The following ESD variants were observed in gnomAD, a reference collection of about 807,000 sequenced individuals.
ESD encodes the protein esterase D.
ESD carries 34 observed loss-of-function variants against 38.1 expected under a neutral mutation model. That is an observed-to-expected ratio of 0.89 (90% CI 0.68 to 1.19). ESD has a LOEUF of 1.19. ESD is among the 50% of genes most tolerant of loss of function. The probability of loss-of-function intolerance (pLI) is 0.00; values close to 1 mark genes in which losing one functional copy is unlikely to be tolerated. For synonymous variants in ESD, 97 were observed against 107.0 expected, an observed-to-expected ratio of 0.91 and a Z score of 0.58; for missense variants, 334 against 327.2, an observed-to-expected ratio of 1.02 and a Z score of -0.16.
intron 1 of ESD, among the ~76,000 whole-genome samples, chr13:46,796,215 C>A (rs1000810591): frequency 5.3e-5 from 8 of 152,164 alleles, no homozygotes; most frequent in Admixed American, 2.6e-4. Flanking sequence ...TGCCACGGTA[C>A]AATGGTTTCA....
intron 1 of ESD, among the ~76,000 whole-genome samples, chr13:46,795,038 A>G (rs563333616): frequency 1.4e-4 from 22 of 152,212 alleles, no homozygotes; most frequent in Middle Eastern, 3.4e-3. Context: ...AACTTACCAC[A>G]CCTAAAATTA....
intron 1 of ESD, among the ~76,000 whole-genome samples, chr13:46,796,342 A>G (rs578219458): frequency 1.8e-4 from 27 of 152,356 alleles, no homozygotes; most frequent in African/African-American, 6.5e-4. Context: ...ATGGGTATAC[A>G]GTAATATATA....
intron 3 of ESD, among the ~76,000 whole-genome samples, chr13:46,789,854 C>T (rs375472793): frequency 6.6e-6 from 1 of 151,710 alleles, no homozygotes; most frequent in Admixed American, 6.6e-5. Context: ...TCGCTCTTGT[C>T]GCCCAGGCTG....
At chr13:46,796,073 C>T (rs190956138) in intron 1 of ESD, among the ~76,000 whole-genome samples, 49 of 152,312 alleles carry the variant, frequency 3.2e-4, no homozygotes, top group African/African-American at 1.1e-3. Flanking sequence ...AACACCTTCA[C>T]ATGGCTCTAA....
intron 1 of ESD, among the ~76,000 whole-genome samples, chr13:46,796,847 G>A (rs1422575593): frequency 6.6e-6 from 1 of 152,252 alleles, no homozygotes; most frequent in Admixed American, 6.5e-5. Flanking sequence ...GTAGGTAAAC[G>A]GGCGCTCGCC....
At chr13:46,778,027 A>G (rs1407990116) in intron 8 of ESD, among the ~76,000 whole-genome samples, 1 of 151,828 alleles carries the variant, frequency 6.6e-6, no homozygotes, top group African/African-American at 2.4e-5. Context: ...TCTTTTTCCA[A>G]ATATTCTCTA....
Position 46,771,326 on chromosome 13 carries a change from T to C in ESD, c.*90A>G, listed in dbSNP as rs923409823. The C allele has an allele frequency of 2.4e-6, 2 of 816,706 alleles. No individual in the cohort carries two copies. Among genetic ancestry groups the C allele is most frequent in the Non-Finnish European group, 3.9e-6 (2 of 507,094 alleles). 50.6% of individuals were successfully genotyped at this position (816,706 alleles called of 1,614,324 possible). ...GCCCTTTTAGCACTATAAAATCCAA[T>C]GTTTTGAATTTTTTTTTTTTTTGCT... On this transcript the variant is annotated 3_prime_UTR_variant, in exon 10 of 10. Coordinates refer to ENST00000378720, the MANE Select transcript of ESD (RefSeq NM_001984.2).
chr13:46,794,726 T>C (rs566975614), intron 1 of ESD, among the ~76,000 whole-genome samples: 1 of 152,266 alleles, frequency 6.6e-6, no homozygotes, highest in South Asian at 2.1e-4. Flanking sequence ...CCTAGACAGG[T>C]GTTCCCAAAA....
intron 3 of ESD, among the ~76,000 whole-genome samples, chr13:46,790,015 T>C (rs1875340868): frequency 6.7e-6 from 1 of 149,176 alleles, no homozygotes; most frequent in Non-Finnish European, 1.5e-5. Flanking sequence ...TATATTTTTT[T>C]TTTTTCAGTA....
chr13:46,772,629 C>T (rs571687175), intron 9 of ESD, among the ~76,000 whole-genome samples: 2 of 152,292 alleles, frequency 1.3e-5, no homozygotes, highest in South Asian at 4.1e-4. Flanking sequence ...GGGTTGTTCC[C>T]CTCCATATAT....
At chr13:46,794,277 GTC>G (rs1341772306) in intron 1 of ESD, among the ~76,000 whole-genome samples, 6 of 152,072 alleles carry the variant, frequency 3.9e-5, no homozygotes, top group Non-Finnish European at 5.9e-5. Flanking sequence ...AGAAGAAAGG[GTC>G]TCTCAGTGCA....
chr13:46,788,340 C>T (rs556184318), intron 3 of ESD, among the ~76,000 whole-genome samples: 21 of 151,988 alleles, frequency 1.4e-4, no homozygotes, highest in African/African-American at 2.9e-4. Context: ...TGATGACTGA[C>T]GGCACAAAAA....
chr13:46,778,662 A>G (rs1874889627), intron 8 of ESD, among the ~76,000 whole-genome samples: 1 of 151,748 alleles, frequency 6.6e-6, no homozygotes, highest in South Asian at 2.1e-4. Flanking sequence ...AAGGGTCACC[A>G]TTTTCGTGAC....
At position 46,774,762 on chromosome 13, in the gene ESD, A is replaced by T. The variant is rs183418572; in HGVS notation, c.768+2694T>A. 2.2e-3 allele frequency among the ~76,000 whole-genome samples: 333 copies of T among 152,308 alleles called. 9 individuals are homozygous for T. The South Asian group carries it at 0.043, about 20-fold the overall frequency. ...TTGGATAAGAATCCCCAGGTTATTAAATCTCTTCAGTGTATAAGGAGGAAG... is the reference window on the plus strand; with the variant it reads ...TTGGATAAGAATCCCCAGGTTATTATATCTCTTCAGTGTATAAGGAGGAAG... On this transcript the variant is annotated intron_variant, in intron 9 of 9. Transcript: ENST00000378720.
chr13:46,785,714 A>G (rs1023695570), intron 4 of ESD: 21 of 151,934 alleles, frequency 1.4e-4, no homozygotes, highest in African/African-American at 4.8e-4. Context: ...CACTAAGGAA[A>G]CTGTCCTGTC....
At chr13:46,791,547 A>C in intron 2 of ESD, 127 bp from the exon 3 acceptor site, 1 of 654,348 alleles carries the variant, frequency 1.5e-6, no homozygotes, top group Non-Finnish European at 2.6e-6. Flanking sequence ...TTTTTTTTTC[A>C]CATTTTTCTC....
intron 4 of ESD, among the ~76,000 whole-genome samples, chr13:46,785,117 A>G (rs1875148233): frequency 6.6e-6 from 1 of 152,006 alleles, no homozygotes; most frequent in African/African-American, 2.4e-5. Flanking sequence ...AATGGTGACC[A>G]TATGCCATCC....
In ESD at chr13:46,782,660, A is replaced by T; in HGVS notation, c.381+7T>A. ...TCAATTAATAATTACAATACAAATT[A>T]AATTACCTCCTCTGTGACATAAGAG... On this transcript the variant is annotated splice_region_variant and intron_variant, in intron 6 of 9. Coordinates refer to ENST00000378720, the MANE Select transcript of ESD (RefSeq NM_001984.2). 1 of 1,610,854 alleles carries T rather than the reference A, an allele frequency of 6.2e-7. No individual in the cohort carries two copies. The highest frequency in any genetic ancestry group is 1.1e-5 in the South Asian group (1 of 90,840).
intron 9 of ESD, among the ~76,000 whole-genome samples, chr13:46,774,976 GACTTAAGGAGGTAGTAT>G (rs1874739119): frequency 6.6e-6 from 1 of 152,160 alleles, no homozygotes; most frequent in South Asian, 2.1e-4. Flanking sequence ...AAGGTCCTGA[GACTTAAGGAGGTAGTAT>G]AGCCTCTCCT....
Sources: gnomAD v4.1 joint callset for allele counts (sites outside exome capture counted in the v4.1 genomes callset) on GRCh38, gnomAD v4.1.1 for gene constraint, MANE v1.5 for transcripts, NCBI Gene and HGNC (gene_info 2026-07-23, HGNC 2026-07-21) for gene names.